Variants in PVT1 observed in about 807,000 individuals in gnomAD.
The protein encoded by PVT1 is CXCR4/PVT1 fusion.
chr8:127,795,348 G>A (rs999706923), intron 1 of PVT1, among the ~76,000 whole-genome samples: 6 of 152,104 alleles, frequency 3.9e-5, no homozygotes, highest in African/African-American at 1.4e-4. Context: ...TGTGGTTCTG[G>A]GTGTAGACTT....
At chr8:127,832,837 G>A (rs1174707043) in intron 2 of PVT1, among the ~76,000 whole-genome samples, 1 of 151,854 alleles carries the variant, frequency 6.6e-6, no homozygotes, top group Admixed American at 6.6e-5. Context: ...CAGCCTGGGC[G>A]ACAGAGTGAG....
At position 128,020,359 on chromosome 8, in the gene PVT1, C is replaced by G. The variant is rs79429110; in HGVS notation, n.912+31068C>G. ...TCCAGGTGGATCCAATCCAATCACA[C>G]GGGCCCTTAAAGGCAGAGGTTTTCT... On this transcript the variant is annotated intron_variant and non_coding_transcript_variant, in intron 4 of 10. Transcript: ENST00000651587. Among the ~76,000 whole-genome samples the G allele has an allele frequency of 4.2e-3, 642 of 152,272 alleles. 1 individual carries two copies. The highest frequency in any genetic ancestry group is 0.015 in the African/African-American group (618 of 41,542).
At chr8:127,864,752 G>A (rs1446963110) in intron 2 of PVT1, among the ~76,000 whole-genome samples, 2 of 152,110 alleles carry the variant, frequency 1.3e-5, no homozygotes, top group African/African-American at 2.4e-5. Context: ...GTTTCACCAT[G>A]TTAGCCAGGA....
chr8:127,853,944 C>T (rs1815132985), intron 2 of PVT1, among the ~76,000 whole-genome samples: 1 of 152,162 alleles, frequency 6.6e-6, no homozygotes, highest in African/African-American at 2.4e-5. Context: ...ATCCCGTGGC[C>T]CTTGCTCTGT....
intron 2 of PVT1, among the ~76,000 whole-genome samples, chr8:127,879,559 C>CA (rs58429640): frequency 0.011 from 1,720 of 152,118 alleles, 38 homozygotes; most frequent in African/African-American, 0.039. Context: ...AACAAACAAA[C>CA]AAAAAAGAAC....
chr8:127,870,709 C>G (rs1361080323), intron 2 of PVT1, among the ~76,000 whole-genome samples: 1 of 152,194 alleles, frequency 6.6e-6, no homozygotes, highest in African/African-American at 2.4e-5. Context: ...AGAGGAAGCT[C>G]CTTCTCCCAC....
chr8:127,828,877 A>C (rs1349097099), intron 2 of PVT1, among the ~76,000 whole-genome samples: 1 of 152,182 alleles, frequency 6.6e-6, no homozygotes, highest in Non-Finnish European at 1.5e-5. Flanking sequence ...TGCCTCCACC[A>C]GTTAAAGATT....
intron 3 of PVT1, among the ~76,000 whole-genome samples, chr8:127,907,297 G>C (rs1815834955): frequency 1.3e-5 from 2 of 152,122 alleles, no homozygotes; most frequent in African/African-American, 4.8e-5. Context: ...CATGTTTCCA[G>C]ACCGCCTGCT....
chr8:127,799,536 G>A (rs2130187162), intron 2 of PVT1, among the ~76,000 whole-genome samples: 1 of 152,322 alleles, frequency 6.6e-6, no homozygotes, highest in Non-Finnish European at 1.5e-5. Flanking sequence ...TTGCCTGTAG[G>A]GAAAGTATGC....
At chr8:128,095,084 G>A (rs991500683) in intron 5 of PVT1, among the ~76,000 whole-genome samples, 6 of 152,220 alleles carry the variant, frequency 3.9e-5, no homozygotes, top group African/African-American at 9.6e-5. Context: ...TTGCATAGGA[G>A]ATTGCAGCTG....
intron 4 of PVT1, among the ~76,000 whole-genome samples, chr8:127,995,465 A>G (rs117967438): frequency 0.01 from 1,541 of 152,284 alleles, 20 homozygotes; most frequent in Middle Eastern, 0.017. Context: ...CACCCCCCAC[A>G]TTATAGGAAT....
At chr8:127,813,246 CAA>C (rs1814621570) in intron 2 of PVT1, among the ~76,000 whole-genome samples, 1 of 136,888 alleles carries the variant, frequency 7.3e-6, no homozygotes, top group Non-Finnish European at 1.6e-5. Flanking sequence ...ATATAATATA[CAA>C]ATATATATAA....
intron 4 of PVT1, among the ~76,000 whole-genome samples, chr8:128,066,316 G>A (rs1036329927): frequency 2.0e-5 from 3 of 152,178 alleles, no homozygotes; most frequent in Non-Finnish European, 4.4e-5. Context: ...ACCCTCCAGA[G>A]GTCATTCTCT....
At chr8:127,851,379 C>G (rs1815105661) in intron 2 of PVT1, among the ~76,000 whole-genome samples, 1 of 152,196 alleles carries the variant, frequency 6.6e-6, no homozygotes, top group Non-Finnish European at 1.5e-5. Flanking sequence ...AATGCAAATT[C>G]AGTTCCAAGC....
At chr8:127,872,075 A>G (rs2129771235) in intron 2 of PVT1, among the ~76,000 whole-genome samples, 1 of 138,996 alleles carries the variant, frequency 7.2e-6, no homozygotes, top group South Asian at 2.4e-4. Flanking sequence ...CTGGGGGACA[A>G]GAGTGAGACT....
intron 4 of PVT1, chr8:127,998,351 G>A (rs1817131042): frequency 6.6e-6 from 1 of 152,024 alleles, no homozygotes; most frequent in Admixed American, 6.6e-5. Context: ...TATCAGCATG[G>A]ACTTGCAGGT....
chr8:128,001,396 G>C (rs187959508), intron 4 of PVT1, among the ~76,000 whole-genome samples: 47 of 152,106 alleles, frequency 3.1e-4, no homozygotes, highest in African/African-American at 9.4e-4. Context: ...CAGTGCTGAG[G>C]GGGGAAGTGA....
At chr8:127,960,679 C>T in intron 3 of PVT1, 1 of 527,144 alleles carries the variant, frequency 1.9e-6, no homozygotes, top group Non-Finnish European at 3.9e-6. Context: ...TCCTGTCAAC[C>T]CTGTTCTGGA....
intron 4 of PVT1, among the ~76,000 whole-genome samples, chr8:128,007,435 A>AT (rs1258509827): frequency 6.6e-6 from 1 of 152,154 alleles, no homozygotes; most frequent in Admixed American, 6.5e-5. Context: ...ACTAAAAAAA[A>AT]AAAACCTAAA....
Sources: allele counts gnomAD v4.1 joint callset (sites outside exome capture counted in the v4.1 genomes callset), GRCh38; gene constraint gnomAD v4.1.1; transcripts MANE v1.5; gene names NCBI Gene and HGNC (gene_info 2026-07-23, HGNC 2026-07-21).